Variants in MAN2B2 observed in about 807,000 individuals in gnomAD.
MAN2B2 encodes the protein epididymis-specific alpha-mannosidase.
MAN2B2 carries 106 observed loss-of-function variants against 117.1 expected under a neutral mutation model. The observed-to-expected ratio is 0.90, with a 90% CI of 0.77 to 1.06. MAN2B2 has a LOEUF of 1.06. Among genes scored for constraint, MAN2B2 ranks in the 50% least tolerant of loss-of-function variants. The probability of loss-of-function intolerance (pLI) is 0.00; values close to 1 mark genes in which losing one functional copy is unlikely to be tolerated. For synonymous variants in MAN2B2, 544 were observed against 595.1 expected (o/e 0.91, Z 1.25); for missense variants, 1,326 against 1,381.4 (o/e 0.96, Z 0.64).
chr4:6,586,534 G>A (rs922395580), intron 3 of MAN2B2, among the ~76,000 whole-genome samples: 2 of 152,126 alleles, frequency 1.3e-5, no homozygotes, highest in African/African-American at 4.8e-5. Flanking sequence ...AGGACATTAC[G>A]CAGAGTGAAA....
chr4:6,590,007 C>T (rs370326298), intron 5 of MAN2B2, among the ~76,000 whole-genome samples: 6 of 151,914 alleles, frequency 3.9e-5, no homozygotes, highest in African/African-American at 1.5e-4. Context: ...TTGGAGGCTA[C>T]AGTGAGCTCT....
At position 6,614,372 on chromosome 4, in the gene MAN2B2, G is replaced by A. The variant is rs373363010; in HGVS notation, c.2701+17G>A. ...TCCGGAAAGGTGAGGCAGGTGCCCT[G>A]GCGTCTCAGACCTGCTCCTCCCTCC... On this transcript the variant is annotated intron_variant, in intron 16 of 18. Transcript: ENST00000285599. 11 of 1,612,198 alleles carry A rather than the reference G, an allele frequency of 6.8e-6. No individual in the cohort carries two copies. The highest frequency in any genetic ancestry group is 9.3e-6 in the Non-Finnish European group (11 of 1,178,912).
rs1367566593 is a variant in MAN2B2, at chr4:6,621,704, GT to G, written c.*423del. On this transcript the variant is annotated 3_prime_UTR_variant, in exon 19 of 19. Coordinates refer to ENST00000285599, the MANE Select transcript of MAN2B2 (RefSeq NM_015274.3). ...ACTGTGGACCTACTGCGTGCCACGTGTTTTCATAGACTCATCCCATGCTGGC... is the reference window on the plus strand; with the variant it reads ...ACTGTGGACCTACTGCGTGCCACGTGTTTCATAGACTCATCCCATGCTGGC... The G allele has an allele frequency of 6.3e-6, 1 of 158,922 alleles. No individual in the cohort carries two copies. Among genetic ancestry groups the G allele is most frequent in the Non-Finnish European group, 1.4e-5 (1 of 72,424 alleles). The allele number at this position is 158,922 out of a possible 1,614,324, so 9.8% of individuals were successfully genotyped here.
chr4:6,596,978 G>C (rs1389681795), intron 7 of MAN2B2, 135 bp from the exon 8 acceptor site: 1 of 828,868 alleles, frequency 1.2e-6, no homozygotes, highest in Non-Finnish European at 1.9e-6. Context: ...CTCGCTGCCT[G>C]CCCGGCCTGC....
intron 4 of MAN2B2, among the ~76,000 whole-genome samples, chr4:6,587,747 G>GT (rs1560641171): frequency 4.8e-5 from 5 of 103,112 alleles, no homozygotes; most frequent in East Asian, 8.0e-4. Context: ...CTTTTGGGTT[G>GT]TTGTTTTTTT....
At chr4:6,586,053 G>GTTTTTTTTTTTTT (rs759999292) in intron 3 of MAN2B2, among the ~76,000 whole-genome samples, 1 of 143,954 alleles carries the variant, frequency 6.9e-6, no homozygotes, top group African/African-American at 2.6e-5. Context: ...TTTTCTTGTG[G>GTTTTTTTTTTTTT]TTTTTTTTTT....
chr4:6,616,625 C>T (rs1370532581), intron 16 of MAN2B2, among the ~76,000 whole-genome samples: 1 of 152,200 alleles, frequency 6.6e-6, no homozygotes, highest in Non-Finnish European at 1.5e-5. Flanking sequence ...GCTCACTTTG[C>T]ATTGGCCACA....
chr4:6,578,384 C>G lies in MAN2B2; in HGVS notation c.286-9C>G. ...ACTGGCTTTTTTCTCTCTGCCTGCC[C>G]ATGTCAAGGTCCGCCAGCTCCTGGA... On this transcript the variant is annotated splice_polypyrimidine_tract_variant and intron_variant, in intron 2 of 18. Transcript: ENST00000285599. 1 of 1,609,062 alleles carries G rather than the reference C, an allele frequency of 6.2e-7. No homozygotes were observed. Among genetic ancestry groups the G allele is most frequent in the Admixed American group, 1.7e-5 (1 of 59,810 alleles).
chr4:6,605,457 C>G (rs568332389), intron 11 of MAN2B2, 128 bp downstream of exon 11: 3 of 1,067,480 alleles, frequency 2.8e-6, no homozygotes, highest in Non-Finnish European at 3.9e-6. Context: ...AAACCCCTTC[C>G]TGCTATTGTG....
rs1269189101 is a variant in MAN2B2 at position 6,622,965 on chromosome 4, A to G, written c.*1680A>G. ...GTGAGGTGGGGTCAGGTGAGCAGCCACCAGAGGCATGGATGTGCAGTGGGA... is the reference window on the plus strand; with the variant it reads ...GTGAGGTGGGGTCAGGTGAGCAGCCGCCAGAGGCATGGATGTGCAGTGGGA... On this transcript the variant is annotated 3_prime_UTR_variant, in exon 19 of 19. Coordinates refer to ENST00000285599, the MANE Select transcript of MAN2B2 (RefSeq NM_015274.3). The G allele has an allele frequency of 6.6e-6, 1 of 152,060 alleles. No individual in the cohort carries two copies. The highest frequency in any genetic ancestry group is 1.5e-5 in the Non-Finnish European group (1 of 68,264). The allele number at this position is 152,060 out of a possible 1,614,324, so 9.4% of individuals were successfully genotyped here.
chr4:6,581,657 C>T (rs917267109), intron 3 of MAN2B2, among the ~76,000 whole-genome samples: 1 of 151,622 alleles, frequency 6.6e-6, no homozygotes, highest in Non-Finnish European at 1.5e-5. Flanking sequence ...TGCCTCGAGG[C>T]AGGCCCTGGA....
chr4:6,614,092 G>A, intron 15 of MAN2B2, 126 bp from the exon 16 acceptor site: 2 of 1,210,288 alleles, frequency 1.7e-6, no homozygotes, highest in East Asian at 5.0e-5. Context: ...TGCGGGGTAG[G>A]CTACCCACAA....
Position 6,598,309 on chromosome 4 carries a change from G to A in MAN2B2, c.1360G>A (p.Val454Ile), listed in dbSNP as rs1395474274. The part of the protein sequence containing the change: ...LGMRKLMASI[V>I]LDELQPQAPM... ...CATGCGCAAGCTGATGGCCTCCATC[G>A]TCCTAGATGAGCTCCAGCCCCAGGC... Residue 454 changes from valine (V) to isoleucine (I), a missense_variant, in exon 9 of 19, where the codon GTC becomes ATC. Transcript: ENST00000285599. 12 of 1,613,512 alleles carry A rather than the reference G, an allele frequency of 7.4e-6. No homozygotes were observed. The highest frequency in any genetic ancestry group is 2.2e-5 in the East Asian group (1 of 44,876).
intron 16 of MAN2B2, among the ~76,000 whole-genome samples, chr4:6,615,983 T>C (rs570916962): frequency 1.3e-5 from 2 of 152,214 alleles, no homozygotes; most frequent in Non-Finnish European, 2.9e-5. Context: ...TTTGTATTTT[T>C]AATAGAGACA....
intron 4 of MAN2B2, among the ~76,000 whole-genome samples, chr4:6,587,642 G>A (rs1028276754): frequency 1.3e-5 from 2 of 151,992 alleles, no homozygotes; most frequent in Non-Finnish European, 2.9e-5. Context: ...GCCTTCGATT[G>A]TGCCCTTGGG....
intron 17 of MAN2B2, 198 bp from the exon 18 acceptor site, chr4:6,619,729 C>G: frequency 5.1e-6 from 3 of 582,704 alleles, no homozygotes; most frequent in Admixed American, 5.6e-5. Flanking sequence ...GTGTCCTCAT[C>G]TGTAAAGTAC....
At position 6,620,051 on chromosome 4, in the gene MAN2B2, G is replaced by T. The variant is rs1401276213; in HGVS notation, c.2932+7G>T. The T allele has an allele frequency of 6.2e-7, 1 of 1,605,336 alleles. No individual in the cohort carries two copies. On this transcript the variant is annotated splice_region_variant and intron_variant, in intron 18 of 18. Transcript: ENST00000285599. ...GGGCCTGGCCGCCACAGAGGTTTGG[G>T]GACCCCCGCTTCAGCTCCCTACCCA...
chr4:6,607,855 G>T (rs193219705), intron 11 of MAN2B2, among the ~76,000 whole-genome samples: 3 of 152,214 alleles, frequency 2.0e-5, no homozygotes, highest in African/African-American at 7.2e-5. Context: ...CCCAGCAGCA[G>T]ATGAGGGTTC....
chr4:6,604,024 GA>G (rs1429311872), intron 10 of MAN2B2, among the ~76,000 whole-genome samples: 1 of 152,218 alleles, frequency 6.6e-6, no homozygotes, highest in African/African-American at 2.4e-5. Context: ...GGTTAACCTG[GA>G]AAAGTCCGTC....
Sources: allele counts gnomAD v4.1 joint callset (sites outside exome capture counted in the v4.1 genomes callset), GRCh38; gene constraint gnomAD v4.1.1; transcripts MANE v1.5; gene names NCBI Gene and HGNC (gene_info 2026-07-23, HGNC 2026-07-21).